The following STAU1 variants were observed in gnomAD, a reference collection of about 807,000 sequenced individuals.
The protein encoded by STAU1 is double-stranded RNA-binding protein Staufen homolog 1.
A neutral mutation model predicts 62.9 loss-of-function variants in STAU1; 13 were observed. The ratio of observed to expected loss-of-function variants is 0.21; its 90% CI spans 0.13 to 0.33. The LOEUF (loss-of-function observed/expected upper bound fraction) is 0.33, where lower values mean the gene tolerates loss of function less well. Among genes scored for constraint, STAU1 ranks in the 10% least tolerant of loss-of-function variants. The probability of loss-of-function intolerance (pLI) is 1.00; values close to 1 mark genes in which losing one functional copy is unlikely to be tolerated. For missense variants in STAU1, 571 were observed against 712.1 expected (o/e 0.80, Z 2.25); for synonymous variants, 269 against 265.1 (o/e 1.01, Z -0.14).
chr20:49,117,084 A>G lies in STAU1; in HGVS notation c.1632+42T>C. On this transcript the variant is annotated intron_variant, in intron 12 of 13. Coordinates refer to ENST00000371856, the MANE Select transcript of STAU1 (RefSeq NM_017453.4). This position sits in a 1 kb window ranked among gnomAD's most constrained non-coding sequence, Gnocchi z 4.6. ...AGCTGAACCAAGGCAGGCTCCACAT[A>G]AACACACAACACCCCAATCCCTCAC... 1 of 1,610,268 alleles carries G rather than the reference A, an allele frequency of 6.2e-7. No homozygotes were observed. The highest frequency in any genetic ancestry group is 8.5e-7 in the Non-Finnish European group (1 of 1,177,968).
intron 1 of STAU1, 30 bp from the exon 2 acceptor site, chr20:49,174,299 T>A (rs2093632013): frequency 6.6e-6 from 1 of 152,168 alleles, no homozygotes; most frequent in African/African-American, 2.4e-5. Context: ...AATAATTTAG[T>A]AGGGTAGGTC....
In STAU1 at chr20:49,130,591, TA is replaced by T. The variant is rs541566894; in HGVS notation, c.609+5241del. 2.0e-5 allele frequency among the ~76,000 whole-genome samples: 3 copies of T among 152,070 alleles called. No homozygotes were observed. The South Asian group carries it at 6.2e-4, about 32-fold the overall frequency. ...TAACAATGGAGTAATACTTTGGGTT[TA>T]AAAAAAAGCAGCAATGCATCTATAC... is the stretch of plus-strand genomic sequence containing the variant. On this transcript the variant is annotated intron_variant, in intron 6 of 13. Transcript: ENST00000371856.
chr20:49,146,224 C>G (rs1200471615), intron 5 of STAU1, among the ~76,000 whole-genome samples: 1 of 152,094 alleles, frequency 6.6e-6, no homozygotes, highest in Admixed American at 6.6e-5. Flanking sequence ...CAAAATCACA[C>G]CACTACACTC....
At chr20:49,131,190 AAC>A (rs1042062897) in intron 6 of STAU1, among the ~76,000 whole-genome samples, 1 of 152,224 alleles carries the variant, frequency 6.6e-6, no homozygotes, top group Non-Finnish European at 1.5e-5. Context: ...AATGTCATGA[AAC>A]ACAGAGAAAG....
chr20:49,118,273 A>G lies in STAU1; in HGVS notation c.1189+60T>C. 6.0e-6 allele frequency: 9 copies of G among 1,510,106 alleles called. No homozygotes were observed. The South Asian group carries it at 9.2e-5, about 15-fold the overall frequency. The allele number at this position is 1,510,106 out of a possible 1,614,324, so 93.5% of individuals were successfully genotyped here. ...ACTGGCTGGGCTCCTGCTGTTATTCAGGACCCATGCAAATCCCAGAATCAC... is the reference window on the plus strand; with the variant it reads ...ACTGGCTGGGCTCCTGCTGTTATTCGGGACCCATGCAAATCCCAGAATCAC... On this transcript the variant is annotated intron_variant, in intron 10 of 13. Coordinates refer to ENST00000371856, the MANE Select transcript of STAU1 (RefSeq NM_017453.4).
At chr20:49,183,092 G>C (rs2146603750) in intron 1 of STAU1, among the ~76,000 whole-genome samples, 1 of 152,224 alleles carries the variant, frequency 6.6e-6, no homozygotes, top group East Asian at 1.9e-4. Context: ...CTCTGGTGAA[G>C]TTTTATTTAA....
At position 49,117,374 on chromosome 20, in the gene STAU1, C is replaced by T; in HGVS notation, c.1510-126G>A. 1 of 1,196,956 alleles carries T rather than the reference C, an allele frequency of 8.4e-7. No homozygotes were observed. Among genetic ancestry groups the T allele is most frequent in the Non-Finnish European group, 1.2e-6 (1 of 843,748 alleles). 74.1% of individuals were successfully genotyped at this position (1,196,956 alleles called of 1,614,324 possible). On this transcript the variant is annotated intron_variant, in intron 11 of 13. Coordinates refer to ENST00000371856, the MANE Select transcript of STAU1 (RefSeq NM_017453.4). The surrounding 1 kb of genome is among the most constrained non-coding windows in gnomAD (Gnocchi z 4.6). ...TTTTCCAACTCAGCCCCACTGTGGC[C>T]ATACTAACACCTGCCCTGTCAGCCC...
chr20:49,118,728 C>A (rs114459837), intron 9 of STAU1, among the ~76,000 whole-genome samples: 5 of 152,182 alleles, frequency 3.3e-5, no homozygotes, highest in Non-Finnish European at 7.3e-5. Flanking sequence ...AGATGCTAGA[C>A]GGTAGAGCCC....
the STAU1 span, among the ~76,000 whole-genome samples, chr20:49,215,577 T>C: frequency 6.6e-6 from 1 of 152,148 alleles, no homozygotes; most frequent in Admixed American, 6.6e-5. Context: ...ATCTCAATAA[T>C]ATTTGTGGGA....
At chr20:49,116,420 C>T (rs538674884) in intron 12 of STAU1, among the ~76,000 whole-genome samples, 1 of 152,276 alleles carries the variant, frequency 6.6e-6, no homozygotes, top group African/African-American at 2.4e-5. Context: ...CTGCAACCTC[C>T]ACCTCCCGGG....
At chr20:49,138,645 G>A (rs565490056) in intron 5 of STAU1, among the ~76,000 whole-genome samples, 2 of 152,100 alleles carry the variant, frequency 1.3e-5, no homozygotes, top group East Asian at 3.9e-4. Context: ...GGGACTACTG[G>A]CATAGGCACC....
chr20:49,189,511 T>C (rs919206805), upstream of STAU1, among the ~76,000 whole-genome samples: 1 of 150,580 alleles, frequency 6.6e-6, no homozygotes, highest in African/African-American at 2.4e-5. Context: ...TCACAGCTAC[T>C]TGGGAGGCTG....
chr20:49,217,676 A>AAAATAT, the STAU1 span, among the ~76,000 whole-genome samples: 8 of 135,944 alleles, frequency 5.9e-5, no homozygotes, highest in South Asian at 4.9e-4. Flanking sequence ...TTCCTTTTAA[A>AAAATAT]ATATATATAT....
chr20:49,139,909 C>T (rs879275741), intron 5 of STAU1, among the ~76,000 whole-genome samples: 8 of 151,048 alleles, frequency 5.3e-5, no homozygotes, highest in Non-Finnish European at 1.2e-4. Context: ...ATGGGCAGTG[C>T]GTGCGGTGGC....
intron 3 of STAU1, among the ~76,000 whole-genome samples, chr20:49,154,456 G>A (rs552999630): frequency 6.6e-6 from 1 of 152,288 alleles, no homozygotes; most frequent in South Asian, 2.1e-4. Flanking sequence ...TATAACCTTG[G>A]TTGTACTGAT....
chr20:49,134,448 A>AAAAAAAAAAAAAAAAAAC (rs1568850932), intron 6 of STAU1: 2 of 625,562 alleles, frequency 3.2e-6, no homozygotes, highest in Non-Finnish European at 5.7e-6. Flanking sequence ...AAAAAAAAAA[A>AAAAAAAAAAAAAAAAAAC]AGCTCTGGGT....
chr20:49,199,256 G>C, the STAU1 span, among the ~76,000 whole-genome samples: 1 of 151,814 alleles, frequency 6.6e-6, no homozygotes, highest in African/African-American at 2.4e-5. Context: ...TTTTGAGATG[G>C]AGTCTCGCTC....
the STAU1 span, among the ~76,000 whole-genome samples, chr20:49,206,149 ATT>A: frequency 0.29 from 39,242 of 136,404 alleles, 5,897 homozygotes; most frequent in East Asian, 0.53. Flanking sequence ...CGCCCAGCTG[ATT>A]TTTTTTTTTT....
chr20:49,196,458 A>AAAAG, the STAU1 span, among the ~76,000 whole-genome samples: 4 of 149,840 alleles, frequency 2.7e-5, no homozygotes, highest in African/African-American at 7.3e-5. Flanking sequence ...AAAAAAAAAA[A>AAAAG]AAGAAGAAGA....
Sources: allele counts gnomAD v4.1 joint callset (sites outside exome capture counted in the v4.1 genomes callset), GRCh38; gene constraint gnomAD v4.1.1; non-coding constraint Gnocchi (gnomAD v3.1); transcripts MANE v1.5; gene names NCBI Gene and HGNC (gene_info 2026-07-23, HGNC 2026-07-21).